EMX1: variants seen among roughly 807,000 people sequenced by gnomAD.
EMX1 encodes homeobox protein EMX1.
EMX1 carries 10 observed loss-of-function variants against 20.1 expected under a neutral mutation model. The observed-to-expected ratio is 0.50, with a 90% confidence interval of 0.31 to 0.84. The LOEUF (loss-of-function observed/expected upper bound fraction) is 0.84. EMX1 is among the 40% of genes least tolerant of loss of function. EMX1 has a pLI of 0.05. For missense variants in EMX1, 424 were observed against 431.9 expected (o/e 0.98, Z 0.16); for synonymous variants, 250 against 200.4 (o/e 1.25, Z -2.09).
intron 1 of EMX1, among the ~76,000 whole-genome samples, chr2:72,920,212 G>A (rs1308155344): frequency 6.6e-6 from 1 of 152,188 alleles, no homozygotes; most frequent in East Asian, 1.9e-4. Flanking sequence ...ATCCAGCTCC[G>A]GCTCTGAGCG....
At chr2:72,925,852 C>T (rs1382281397) in intron 2 of EMX1, 3 of 985,320 alleles carry the variant, frequency 3.0e-6, no homozygotes, top group Non-Finnish European at 3.6e-6. Context: ...AAATCGCTCA[C>T]GGGTCGGAGG....
At chr2:72,924,287 G>C (rs1559059395) in intron 1 of EMX1, 22 bp from the exon 2 acceptor site, 17 of 1,555,044 alleles carry the variant, frequency 1.1e-5, no homozygotes, top group Non-Finnish European at 1.5e-5. Flanking sequence ...TGCGTGTGTT[G>C]CCGTCGGCGG....
upstream of EMX1, chr2:72,917,441 T>TCGCCC (rs560191031): frequency 4.2e-5 from 8 of 192,262 alleles, no homozygotes; most frequent in South Asian, 1.7e-4. Flanking sequence ...CCGCCGTCCC[T>TCGCCC]CGCCCCGCCC....
intron 1 of EMX1, among the ~76,000 whole-genome samples, chr2:72,918,888 A>G (rs1213879014): frequency 6.6e-6 from 1 of 152,126 alleles, no homozygotes; most frequent in Non-Finnish European, 1.5e-5. Context: ...CGGAGAGTTA[A>G]TGTTCAGTGT....
chr2:72,917,127 T>C (rs1670977802), upstream of EMX1: 1 of 614,558 alleles, frequency 1.6e-6, no homozygotes, highest in Non-Finnish European at 3.0e-6. Flanking sequence ...AACCAATGTG[T>C]TGGACCCCAA....
At chr2:72,916,583 G>A (rs529706260), upstream of EMX1, 25 of 647,294 alleles carry the variant, frequency 3.9e-5, no homozygotes, top group South Asian at 3.5e-4. Flanking sequence ...AAACTGGCCG[G>A]AGCAGAGTCG....
Position 72,917,929 on chromosome 2 carries a change from G to A in EMX1, c.77G>A (p.Arg26His). Residue 26 changes from arginine to histidine, a missense_variant, in exon 1 of 3, where the codon CGC (arginine) becomes CAC (histidine). Coordinates refer to ENST00000258106, the MANE Select transcript of EMX1 (RefSeq NM_004097.3). ...GCGCTCCCCAGAGCCCGGCTGCCTC[G>A]CACAGCTCCCGCGGCTGCGACCATG... is the stretch of plus-strand genomic sequence containing the variant. Reference protein sequence around the residue: ...RGALPRARLPRTAPAAATMFQ... With the variant: ...RGALPRARLPHTAPAAATMFQ... 1 of 1,485,214 alleles carries A rather than the reference G, an allele frequency of 6.7e-7. No homozygotes were observed. The highest frequency in any genetic ancestry group is 8.9e-7 in the Non-Finnish European group (1 of 1,125,508). The allele number at this position is 1,485,214 out of a possible 1,614,324, so 92.0% of individuals were successfully genotyped here.
Position 72,924,433 on chromosome 2 carries a change from C to T in EMX1, c.645C>T (p.His215=), listed in dbSNP as rs536489189. ...LRLERAFEKN[H]YVVGAERKQL... ...TGGAGCGCGCCTTCGAGAAGAACCA[C>T]TACGTGGTGGGCGCCGAGCGGAAGC... The change falls in exon 2 of 3, where the codon CAC becomes CAT. Residue 215 remains histidine (H), a synonymous_variant. Coordinates refer to ENST00000258106, the MANE Select transcript of EMX1 (RefSeq NM_004097.3). 1 of 1,598,160 alleles carries T rather than the reference C, an allele frequency of 6.3e-7. No individual in the cohort carries two copies. The highest frequency in any genetic ancestry group is 1.3e-5 in the African/African-American group (1 of 74,866).
At position 72,924,481 on chromosome 2, in the gene EMX1, C is replaced by T. The variant is rs1464106951; in HGVS notation, c.693C>T (p.Leu231=). The T allele has an allele frequency of 1.3e-6, 2 of 1,587,570 alleles. No homozygotes were observed. Among genetic ancestry groups the T allele is most frequent in the Non-Finnish European group, 1.7e-6 (2 of 1,171,068 alleles). ...ERKQLAGSLS[L]SETQVKVWFQ... ...AGCAGCTGGCCGGCAGTCTCAGCCT[C>T]TCCGAGACGCAGGTAATCACCCCCG... Residue 231 remains leucine, a synonymous_variant, in exon 2 of 3, where the codon CTC becomes CTT. Transcript: ENST00000258106.
In EMX1 at chr2:72,924,290, G is replaced by A. The variant is rs975033884; in HGVS notation, c.521-19G>A. ...TCTGTCTGTACCTGCGTGTGTTGCC[G>A]TCGGCGGCGGGGCCGCAGCCAGCGA... On this transcript the variant is annotated intron_variant, in intron 1 of 2. Coordinates refer to ENST00000258106, the MANE Select transcript of EMX1 (RefSeq NM_004097.3). 2.6e-6 allele frequency: 4 copies of A among 1,556,556 alleles called. No homozygotes were observed. The highest frequency in any genetic ancestry group is 1.2e-5 in the South Asian group (1 of 85,550).
At chr2:72,927,178 T>C (rs1279693542) in intron 2 of EMX1, among the ~76,000 whole-genome samples, 1 of 152,388 alleles carries the variant, frequency 6.6e-6, no homozygotes, top group Admixed American at 6.5e-5. Context: ...ATAAGAACTA[T>C]TTACCCATTT....
rs373889671 is a variant in EMX1, at chr2:72,933,827, G to A, written c.746G>A (p.Arg249Gln). 5.0e-6 allele frequency: 8 copies of A among 1,614,112 alleles called. No individual in the cohort carries two copies. The highest frequency in any genetic ancestry group is 2.7e-5 in the African/African-American group (2 of 74,948). The change falls in exon 3 of 3, where the codon CGG becomes CAG. Residue 249 changes from arginine to glutamine, a missense_variant. Around this residue, in one of 2 missense-constraint regions of EMX1, gnomAD observed 91 missense variants for 135.2 expected, o/e 0.67. Coordinates refer to ENST00000258106, the MANE Select transcript of EMX1 (RefSeq NM_004097.3). The stretch of plus-strand genomic sequence containing the variant: ...CAGAACCGGAGGACAAAGTACAAAC[G>A]GCAGAAGCTGGAGGAGGAAGGGCCT... ...WFQNRRTKYKRQKLEEEGPES... is the reference protein window; with the variant it reads ...WFQNRRTKYKQQKLEEEGPES...
In EMX1 at chr2:72,921,384, G is replaced by C. The variant is rs118090078; in HGVS notation, c.521-2925G>C. Among the ~76,000 whole-genome samples, 39 of 152,268 alleles carry C rather than the reference G, an allele frequency of 2.6e-4. 1 individual carries two copies. The East Asian group carries it at 6.2e-3, about 24-fold the overall frequency. ...CAGAATTACTGCGTCCAAACAGGCC[G>C]CACCCTAGACCCAAGTTTGTTCTGC... On this transcript the variant is annotated intron_variant, in intron 1 of 2. Transcript: ENST00000258106.
chr2:72,925,474 G>GCTGAGC, intron 2 of EMX1: 1 of 1,288,976 alleles, frequency 7.8e-7, no homozygotes, highest in Non-Finnish European at 1.0e-6. Context: ...GCGACCCTCA[G>GCTGAGC]CCTAGCTGCT....
Position 72,934,332 on chromosome 2 carries a change from A to T in EMX1, c.*378A>T, listed in dbSNP as rs960920293. The T allele has an allele frequency of 8.8e-5, 16 of 182,488 alleles. No homozygotes were observed. The highest frequency in any genetic ancestry group is 3.5e-4 in the African/African-American group (15 of 42,366). 11.3% of individuals were successfully genotyped at this position (182,488 alleles called of 1,614,324 possible). A position where few individuals can be genotyped will look rare whatever the true frequency, so the allele number is the denominator to read the frequency against. Reference sequence around the variant, plus strand: ...CCCCCTTCCCTATGGGAATAATAAAAGTCTCTCTCTTAATGACACGGGCAT... The same window carrying T: ...CCCCCTTCCCTATGGGAATAATAAATGTCTCTCTCTTAATGACACGGGCAT... On this transcript the variant is annotated 3_prime_UTR_variant, in exon 3 of 3. Transcript: ENST00000258106.
At chr2:72,917,032 G>A, upstream of EMX1, 1 of 677,558 alleles carries the variant, frequency 1.5e-6, no homozygotes, top group Non-Finnish European at 2.8e-6. Context: ...CAAGGTCGCA[G>A]CTTCAGACCG....
chr2:72,921,396 C>G (rs1448187385), intron 1 of EMX1, among the ~76,000 whole-genome samples: 1 of 152,182 alleles, frequency 6.6e-6, no homozygotes, highest in African/African-American at 2.4e-5. Context: ...ACCCTAGACC[C>G]AAGTTTGTTC....
At chr2:72,923,906 C>T in intron 1 of EMX1, 1 of 293,586 alleles carries the variant, frequency 3.4e-6, no homozygotes, top group Non-Finnish European at 6.5e-6. Flanking sequence ...GGGCTGGCGG[C>T]CAGGGCAGCG....
chr2:72,931,307 G>A (rs1174222355), intron 2 of EMX1, among the ~76,000 whole-genome samples: 2 of 152,238 alleles, frequency 1.3e-5, no homozygotes, highest in African/African-American at 4.8e-5. Context: ...ACAGGCCAAT[G>A]TGACCGTCAG....
Sources: gnomAD v4.1 joint callset for allele counts (sites outside exome capture counted in the v4.1 genomes callset) on GRCh38, gnomAD v4.1.1 for gene constraint, gnomAD v4.1.1 regional missense constraint, MANE v1.5 for transcripts, NCBI Gene and HGNC (gene_info 2026-07-23, HGNC 2026-07-21) for gene names.